The following PNPLA7 variants were observed in gnomAD, a reference collection of about 807,000 sequenced individuals.
The protein encoded by PNPLA7 is patatin-like phospholipase domain-containing protein 7.
PNPLA7 carries 153 observed loss-of-function variants against 161.7 expected under a neutral mutation model. The observed-to-expected ratio is 0.95, with a 90% CI of 0.83 to 1.08. PNPLA7 has a LOEUF of 1.08. Ranked by LOEUF, PNPLA7 falls within the 50% of genes least tolerant of loss-of-function variation. PNPLA7 has a pLI of 0.00. For missense variants in PNPLA7, 1,739 were observed against 1,856.6 expected (o/e 0.94, Z 1.16); for synonymous variants, 809 against 782.1 (o/e 1.03, Z -0.57).
chr9:137,550,050 G>A (rs895149939), intron 1 of PNPLA7, 118 bp downstream of exon 1: 20 of 1,261,118 alleles, frequency 1.6e-5, no homozygotes, highest in African/African-American at 5.9e-5. Context: ...GTCCTCAGGC[G>A]CCAAGAAGCC....
At chr9:137,493,106 G>A in intron 19 of PNPLA7, 24 bp from the exon 20 acceptor site, 6 of 1,612,972 alleles carry the variant, frequency 3.7e-6, no homozygotes, top group Non-Finnish European at 5.1e-6. Context: ...CAGGAGCCAA[G>A]AGCCACACGT....
intron 25 of PNPLA7, among the ~76,000 whole-genome samples, chr9:137,469,775 G>T (rs765352292): frequency 6.6e-6 from 1 of 152,192 alleles, no homozygotes; most frequent in African/African-American, 2.4e-5. Flanking sequence ...GGACCAATTC[G>T]ACGGACAGCC....
Position 137,521,715 on chromosome 9 carries a change from A to T in PNPLA7, c.878T>A (p.Ile293Asn), listed in dbSNP as rs764019933. 6.2e-7 allele frequency: 1 copy of T among 1,609,984 alleles called. No homozygotes were observed. The highest frequency in any genetic ancestry group is 8.5e-7 in the Non-Finnish European group (1 of 1,179,664). ...CACCCTCTGCAGCCGCACCATGATG[A>T]TCTGCAAGAACACGCCAGCTGCGCG... ...YPETLVRVVQ[I>N]IMVRLQRVTF... Residue 293 changes from isoleucine to asparagine, a missense_variant and splice_region_variant, in exon 10 of 35, where the codon ATC (isoleucine) becomes AAC (asparagine). By Grantham distance (149) the Ile-to-Asn change is moderately radical (BLOSUM62 -3). Around this residue, in one of 6 missense-constraint regions of PNPLA7, gnomAD observed 152 missense variants for 193.5 expected, o/e 0.79. Coordinates refer to ENST00000406427, the MANE Select transcript of PNPLA7 (RefSeq NM_001098537.3).
chr9:137,500,680 G>T lies in PNPLA7; in HGVS notation c.1757+11C>A, dbSNP rs376552913. Reference sequence around the variant, plus strand: ...GGGGCCCGCCCTGAGGTCCTGGCCCGTGGGACTCACTCATAGAAGTGGGCC... The same window carrying T: ...GGGGCCCGCCCTGAGGTCCTGGCCCTTGGGACTCACTCATAGAAGTGGGCC... On this transcript the variant is annotated intron_variant, in intron 16 of 34. Transcript: ENST00000406427. The surrounding 1 kb of genome is among the most constrained non-coding windows in gnomAD (Gnocchi z 5.5). The T allele has an allele frequency of 6.2e-7, 1 of 1,611,530 alleles. No homozygotes were observed. Among genetic ancestry groups the T allele is most frequent in the African/African-American group, 1.3e-5 (1 of 74,886 alleles).
chr9:137,487,891 C>T (rs1832568409), intron 20 of PNPLA7, among the ~76,000 whole-genome samples: 1 of 152,238 alleles, frequency 6.6e-6, no homozygotes, highest in African/African-American at 2.4e-5. Flanking sequence ...CCAGCATCAC[C>T]TTCACCGCAC....
chr9:137,491,965 G>T (rs943922295), intron 20 of PNPLA7: 4 of 985,364 alleles, frequency 4.1e-6, no homozygotes, highest in Non-Finnish European at 4.8e-6. Flanking sequence ...CGCGGGAGCA[G>T]CCAGGCTCTT....
chr9:137,521,581 C>A, intron 10 of PNPLA7, 55 bp downstream of exon 10: 1 of 1,580,252 alleles, frequency 6.3e-7, no homozygotes, highest in Non-Finnish European at 8.6e-7. Flanking sequence ...CAATAGCTGT[C>A]CCGATGCCAG....
intron 14 of PNPLA7, among the ~76,000 whole-genome samples, chr9:137,503,004 G>C (rs566837796): frequency 4.6e-4 from 70 of 151,982 alleles, no homozygotes; most frequent in African/African-American, 1.6e-3. Context: ...GTTACTGTGA[G>C]GGATGCTAGG....
rs1464219641 is a variant in PNPLA7, at chr9:137,462,674, T to C, written c.3492+11A>G. 1 of 1,613,036 alleles carries C rather than the reference T, an allele frequency of 6.2e-7. No individual in the cohort carries two copies. Among genetic ancestry groups the C allele is most frequent in the African/African-American group, 1.3e-5 (1 of 74,884 alleles). On this transcript the variant is annotated intron_variant, in intron 30 of 34. Transcript: ENST00000406427. ...AGCAGGGACAGCCCAGCCTGCCCGG[T>C]AGCACCCCACCTTGACTTTCGTGGC...
At chr9:137,508,093 T>C (rs1564331501) in intron 12 of PNPLA7, among the ~76,000 whole-genome samples, 2 of 151,734 alleles carry the variant, frequency 1.3e-5, no homozygotes, top group South Asian at 4.2e-4. Flanking sequence ...CCCATGAGGC[T>C]GAGGCGGGTG....
chr9:137,475,296 G>A (rs1379633121), intron 25 of PNPLA7, among the ~76,000 whole-genome samples: 2 of 152,174 alleles, frequency 1.3e-5, no homozygotes, highest in Non-Finnish European at 2.9e-5. Context: ...AGGATTGCTT[G>A]AAGCTGGGAG....
At position 137,460,243 on chromosome 9, in the gene PNPLA7, G is replaced by T; in HGVS notation, c.*150C>A. 1 of 671,038 alleles carries T rather than the reference G, an allele frequency of 1.5e-6. No homozygotes were observed. Among genetic ancestry groups the T allele is most frequent in the Non-Finnish European group, 2.5e-6 (1 of 398,212 alleles). The allele number at this position is 671,038 out of a possible 1,614,324, so 41.6% of individuals were successfully genotyped here. ...TGCAGGGCTGCTGGTACAAAGAAGA[G>T]GCCCAGAGAACCCTAACACAGCCTG... On this transcript the variant is annotated 3_prime_UTR_variant, in exon 35 of 35. Transcript: ENST00000406427.
Position 137,484,709 on chromosome 9 carries a change from C to T in PNPLA7, c.2225G>A (p.Gly742Asp). The T allele has an allele frequency of 1.2e-6, 2 of 1,611,358 alleles. No individual in the cohort carries two copies. The highest frequency in any genetic ancestry group is 1.1e-5 in the South Asian group (1 of 90,604). ...TGHQLGLPTE[G>D]SKWDLGNPAV... ...CGGGTTCCCCAAGTCCCACTTGCTG[C>T]CCTCCGTGGGGAGCCCAAGCTGGTG... Residue 742 changes from glycine to aspartate, a missense_variant, in exon 21 of 35, where the codon GGC (glycine) becomes GAC (aspartate). Physicochemically the swap from Gly to Asp is moderately conservative, Grantham distance 94 (BLOSUM62 -1). Around this residue, in one of 6 missense-constraint regions of PNPLA7, gnomAD observed 192 missense variants for 249.5 expected, o/e 0.77. Transcript: ENST00000406427.
chr9:137,516,308 T>C (rs907742143), intron 11 of PNPLA7: 1 of 982,796 alleles, frequency 1.0e-6, no homozygotes, highest in African/African-American at 1.8e-5. Context: ...GCCCCTCAGG[T>C]GAAACGAGGA....
rs748561178 is a variant in PNPLA7 at position 137,460,528 on chromosome 9, G to A, written c.3946-52C>T. The A allele has an allele frequency of 3.7e-6, 6 of 1,605,028 alleles. No individual in the cohort carries two copies. The South Asian group carries it at 4.4e-5, about 12-fold the overall frequency. ...GAGGACCAGGCAGGGCAGGGGCTCT[G>A]CAGCGCTGGTAACCCGGTGGGACCA... On this transcript the variant is annotated intron_variant, in intron 34 of 34. Coordinates refer to ENST00000406427, the MANE Select transcript of PNPLA7 (RefSeq NM_001098537.3).
chr9:137,516,624 C>T (rs1054622017), intron 11 of PNPLA7: 22 of 558,874 alleles, frequency 3.9e-5, no homozygotes, highest in African/African-American at 2.0e-4. Flanking sequence ...CCCTGGACCA[C>T]GTAGTAAGAT....
rs1208384623 is a variant in PNPLA7, at chr9:137,495,165, T to G, written c.2014-19A>C. On this transcript the variant is annotated intron_variant, in intron 18 of 34. Transcript: ENST00000406427. ...TCTCCACCTGAGGACAGGAGCCGGC[T>G]GCTGGGGCCGCGGGCTTGGGAGGGC... is the stretch of plus-strand genomic sequence containing the variant. 1.3e-6 allele frequency: 2 copies of G among 1,570,670 alleles called. No individual in the cohort carries two copies. The highest frequency in any genetic ancestry group is 1.3e-5 in the African/African-American group (1 of 74,346).
At chr9:137,462,473 G>C (rs890919399) in intron 30 of PNPLA7, 142 bp from the exon 31 acceptor site, 5 of 1,425,230 alleles carry the variant, frequency 3.5e-6, no homozygotes, top group African/African-American at 2.9e-5. Flanking sequence ...ACCCGGCCGG[G>C]GGTCCTCCCT....
Position 137,476,300 on chromosome 9 carries a change from CATAGG to C in PNPLA7, c.2882+1729_2882+1733del, listed in dbSNP as rs1354618005. ...TTAACTCCAAGGAAGGAACTTCAAT[CATAGG>C]ATAGGATAGGATGTGACTTAGTTCT... On this transcript the variant is annotated intron_variant, in intron 25 of 34. Coordinates refer to ENST00000406427, the MANE Select transcript of PNPLA7 (RefSeq NM_001098537.3). The surrounding 1 kb of genome is among the most constrained non-coding windows in gnomAD (Gnocchi z 4.5). 6.6e-6 allele frequency among the ~76,000 whole-genome samples: 1 copy of C among 152,096 alleles called. No homozygotes were observed. Among genetic ancestry groups the C allele is most frequent in the African/African-American group, 2.4e-5 (1 of 41,402 alleles).
Sources: allele counts gnomAD v4.1 joint callset (sites outside exome capture counted in the v4.1 genomes callset), GRCh38; gene constraint gnomAD v4.1.1; regional missense constraint gnomAD v4.1.1; non-coding constraint Gnocchi (gnomAD v3.1); transcripts MANE v1.5; gene names NCBI Gene and HGNC (gene_info 2026-07-23, HGNC 2026-07-21).